The following DNASE1 variants were observed in gnomAD, a reference collection of about 807,000 sequenced individuals.
DNASE1 encodes the protein deoxyribonuclease 1, also known as deoxyribonuclease-1.
In DNASE1, 40 loss-of-function variants were observed where a neutral mutation model predicts 33.9. The ratio of observed to expected loss-of-function variants is 1.18; its 90% CI spans 0.92 to 1.54. The LOEUF (loss-of-function observed/expected upper bound fraction) is 1.54. Among genes scored for constraint, DNASE1 ranks in the 40% most tolerant of loss-of-function variants. The pLI is 0.00. For missense variants in DNASE1, 518 were observed against 372.6 expected, an observed-to-expected ratio of 1.39 and a Z score of -3.21; for synonymous variants, 216 against 160.0, an observed-to-expected ratio of 1.35 and a Z score of -2.64.
At chr16:3,665,181 G>A (rs1286854553) in exon 10 of DNASE1, 2 of 152,220 alleles carry the variant, frequency 1.3e-5, no homozygotes, top group African/African-American at 4.8e-5. Context: ...TGAAGATAAA[G>A]GAGAATGAAG....
At chr16:3,613,097 C>G (rs111311335) in intron 1 of DNASE1, among the ~76,000 whole-genome samples, 1 of 152,066 alleles carries the variant, frequency 6.6e-6, no homozygotes, top group Non-Finnish European at 1.5e-5. Flanking sequence ...TTTTAAAACC[C>G]CAAATCGAAC....
intron 1 of DNASE1, among the ~76,000 whole-genome samples, chr16:3,634,311 C>G (rs978368404): frequency 2.0e-5 from 3 of 151,898 alleles, no homozygotes; most frequent in African/African-American, 7.3e-5. Context: ...TCACTGGAAG[C>G]TCCACCTCCC....
At chr16:3,640,744 T>C (rs116572768), upstream of DNASE1, 24,030 of 398,566 alleles carry the variant, frequency 0.06, 765 homozygotes, top group Non-Finnish European at 0.067. Flanking sequence ...AACAGCAAGA[T>C]GGCAAAAGCT....
chr16:3,650,042 G>A (rs1383929612), upstream of DNASE1, among the ~76,000 whole-genome samples: 1 of 152,176 alleles, frequency 6.6e-6, no homozygotes, highest in Non-Finnish European at 1.5e-5. Flanking sequence ...GCTAAGTGGC[G>A]AAATCAACTG....
At chr16:3,616,461 A>G (rs2041106783) in intron 1 of DNASE1, among the ~76,000 whole-genome samples, 1 of 139,978 alleles carries the variant, frequency 7.1e-6, no homozygotes, top group Non-Finnish European at 1.6e-5. Flanking sequence ...TGTCTACTAA[A>G]AATATAAAAA....
chr16:3,629,975 G>T lies in DNASE1; in HGVS notation c.-1358-10740G>T, dbSNP rs547974230. ...GCTACAGGCACCCGCCACCATGCGC[G>T]GCTAATTTTTGTATTTTTATTTTAG... On this transcript the variant is annotated intron_variant and NMD_transcript_variant, in intron 1 of 11. Transcript: ENST00000570769. Among the ~76,000 whole-genome samples the T allele has an allele frequency of 1.1e-4, 17 of 152,140 alleles. No individual in the cohort carries two copies. The East Asian group carries it at 2.7e-3, about 24-fold the overall frequency.
upstream of DNASE1, chr16:3,642,782 A>G: frequency 6.6e-6 from 1 of 152,436 alleles, no homozygotes; most frequent in Non-Finnish European, 1.5e-5. Context: ...ACATCTCTGG[A>G]TGGGACATCT....
At chr16:3,659,859 C>G (rs1206160536), downstream of DNASE1, 2 of 152,124 alleles carry the variant, frequency 1.3e-5, no homozygotes, top group African/African-American at 4.8e-5. Context: ...AAGAGGTTCT[C>G]TTGCCTCAGC....
intron 1 of DNASE1, among the ~76,000 whole-genome samples, chr16:3,631,046 A>T (rs1165232217): frequency 6.6e-6 from 1 of 151,898 alleles, no homozygotes; most frequent in Non-Finnish European, 1.5e-5. Context: ...TTTTTTAGAG[A>T]TGGAGTTTTG....
chr16:3,654,494 T>C (rs1051128416), upstream of DNASE1: 12 of 398,542 alleles, frequency 3.0e-5, no homozygotes, highest in African/African-American at 1.6e-4. Context: ...TTTGGCCTCT[T>C]TGTCCAAAGT....
exon 10 of DNASE1, chr16:3,663,518 G>C (rs2050740729): frequency 6.2e-7 from 1 of 1,613,952 alleles, no homozygotes; most frequent in Admixed American, 1.7e-5. Context: ...ACTCACGAAG[G>C]TGCAGCAGGG....
At chr16:3,665,144 C>G (rs1231603817) in exon 10 of DNASE1, 1 of 152,270 alleles carries the variant, frequency 6.6e-6, no homozygotes, top group East Asian at 1.9e-4. Flanking sequence ...ATGTCTCTGA[C>G]TCTTACCTGT....
chr16:3,616,700 C>A (rs1010911900), intron 1 of DNASE1, among the ~76,000 whole-genome samples: 2 of 152,104 alleles, frequency 1.3e-5, no homozygotes, highest in African/African-American at 4.8e-5. Flanking sequence ...CCCAAATAGC[C>A]ACTTTGTTCT....
chr16:3,654,130 A>G, upstream of DNASE1: 1 of 366,366 alleles, frequency 2.7e-6, no homozygotes, highest in Admixed American at 4.6e-5. Flanking sequence ...AAAAACCCAA[A>G]ACAAAAGAAC....
At chr16:3,655,699 C>A in intron 2 of DNASE1, 150 bp from the exon 3 acceptor site, 1 of 1,361,830 alleles carries the variant, frequency 7.3e-7, no homozygotes, top group Non-Finnish European at 1.0e-6. Context: ...GCTGTGCTGT[C>A]CCTGGCTGGC....
At chr16:3,613,742 T>C (rs1326899986) in intron 1 of DNASE1, among the ~76,000 whole-genome samples, 2 of 152,144 alleles carry the variant, frequency 1.3e-5, no homozygotes, top group East Asian at 3.9e-4. Flanking sequence ...ATAATTTCTC[T>C]TTCCTTCCTT....
At chr16:3,638,622 G>A (rs1042692619), upstream of DNASE1, among the ~76,000 whole-genome samples, 1 of 152,240 alleles carries the variant, frequency 6.6e-6, no homozygotes, top group African/African-American at 2.4e-5. Context: ...ACAGGCGTGA[G>A]CCACCACGCC....
chr16:3,651,960 T>C (rs957210428), upstream of DNASE1: 6 of 152,314 alleles, frequency 3.9e-5, no homozygotes, highest in African/African-American at 9.7e-5. Flanking sequence ...GAGGAAGACA[T>C]AGAGGCTCCA....
chr16:3,617,619 A>G (rs1262990487), intron 1 of DNASE1, among the ~76,000 whole-genome samples: 1 of 152,138 alleles, frequency 6.6e-6, no homozygotes, highest in Non-Finnish European at 1.5e-5. Context: ...CCTCAACCGC[A>G]AGGTGATGGG....
Sources: allele counts gnomAD v4.1 joint callset (sites outside exome capture counted in the v4.1 genomes callset), GRCh38; gene constraint gnomAD v4.1.1; transcripts MANE v1.5; gene names NCBI Gene and HGNC (gene_info 2026-07-23, HGNC 2026-07-21).